The following NTAN1 variants were observed in gnomAD, a reference collection of about 807,000 sequenced individuals.
NTAN1 encodes the protein protein N-terminal asparagine amidohydrolase.
A neutral mutation model predicts 41.9 loss-of-function variants in NTAN1; 32 were observed. The ratio of observed to expected loss-of-function variants is 0.76; its 90% CI spans 0.58 to 1.03. NTAN1 has a LOEUF of 1.03. NTAN1 is among the 50% of genes least tolerant of loss of function. The pLI is 0.00. For missense variants in NTAN1, 377 were observed against 377.5 expected (o/e 1.00, Z 0.01); for synonymous variants, 140 against 139.5 (o/e 1.00, Z -0.03).
Position 15,047,934 on chromosome 16 carries a change from A to G in NTAN1, c.185-14T>C, listed in dbSNP as rs1367911188. On this transcript the variant is annotated splice_polypyrimidine_tract_variant and intron_variant, in intron 2 of 9. Coordinates refer to ENST00000287706, the MANE Select transcript of NTAN1 (RefSeq NM_173474.4). ...TGGAGATGGAGCCTGTTTAAAAAAG[A>G]AATAAAATAAAATATCCAATAGCCT... 1 of 1,610,366 alleles carries G rather than the reference A, an allele frequency of 6.2e-7. No homozygotes were observed. The highest frequency in any genetic ancestry group is 1.7e-5 in the Admixed American group (1 of 60,020).
At chr16:15,044,689 G>A (rs1275948543) in intron 4 of NTAN1, 2 of 498,904 alleles carry the variant, frequency 4.0e-6, no homozygotes, top group Non-Finnish European at 7.2e-6. Flanking sequence ...TGCTCTGGAA[G>A]AGCACAGGCA....
intron 1 of NTAN1, among the ~76,000 whole-genome samples, chr16:15,049,875 A>G (rs2044229928): frequency 6.6e-6 from 1 of 152,254 alleles, no homozygotes; most frequent in Non-Finnish European, 1.5e-5. Context: ...TTGAAAAGCA[A>G]GATACAAAAG....
In NTAN1 at chr16:15,038,101, C is replaced by A; in HGVS notation, c.863G>T (p.Gly288Val). 3.1e-6 allele frequency: 5 copies of A among 1,612,662 alleles called. No homozygotes were observed. The highest frequency in any genetic ancestry group is 4.2e-6 in the Non-Finnish European group (5 of 1,178,812). ...HPSPAHTLFS[G>V]NKALLYKKNE... ...TTTTTTGTAGAGTAGGGCTTTATTT[C>A]CAGAAAACAGTGTGTGAGCTGGAGA... The change falls in exon 10 of 10, where the codon GGA becomes GTA. Residue 288 changes from glycine (G) to valine (V), a missense_variant. Transcript: ENST00000287706.
intron 4 of NTAN1, among the ~76,000 whole-genome samples, chr16:15,046,697 C>CAAAAAA (rs9331444): frequency 2.3e-5 from 1 of 43,646 alleles, no homozygotes; most frequent in Non-Finnish European, 3.9e-5. Context: ...CTGTCTCTAC[C>CAAAAAA]AAAAAAAAAA....
intron 1 of NTAN1, among the ~76,000 whole-genome samples, chr16:15,053,861 G>A (rs189989763): frequency 6.6e-6 from 1 of 152,254 alleles, no homozygotes; most frequent in African/African-American, 2.4e-5. Context: ...GCAGTGAGCC[G>A]AGATTGTGCC....
At chr16:15,052,299 T>C (rs1433879440) in intron 1 of NTAN1, among the ~76,000 whole-genome samples, 2 of 152,200 alleles carry the variant, frequency 1.3e-5, no homozygotes, top group African/African-American at 4.8e-5. Flanking sequence ...TACAAAATAT[T>C]ATTTTGATTT....
intron 4 of NTAN1, among the ~76,000 whole-genome samples, chr16:15,046,802 A>G (rs992777760): frequency 1.1e-4 from 17 of 151,830 alleles, no homozygotes; most frequent in Admixed American, 7.9e-4. Flanking sequence ...CTGAGTCCAC[A>G]AAGTCAAGGC....
chr16:15,044,196 T>C (rs2043949909), intron 5 of NTAN1, 138 bp downstream of exon 5: 1 of 633,720 alleles, frequency 1.6e-6, no homozygotes, highest in Non-Finnish European at 2.8e-6. Flanking sequence ...AATTCCAAGC[T>C]GGGCAGTCTG....
intron 1 of NTAN1, among the ~76,000 whole-genome samples, chr16:15,052,895 T>C (rs528852293): frequency 1.3e-5 from 2 of 152,254 alleles, no homozygotes; most frequent in East Asian, 3.9e-4. Flanking sequence ...TTGTAGACTC[T>C]GTGGAACCGT....
Position 15,037,984 on chromosome 16 carries a change from A to C in NTAN1, c.*47T>G, listed in dbSNP as rs1239319237. 1.4e-6 allele frequency: 2 copies of C among 1,456,130 alleles called. No homozygotes were observed. Among genetic ancestry groups the C allele is most frequent in the South Asian group, 1.2e-5 (1 of 83,712 alleles). The allele number at this position is 1,456,130 out of a possible 1,614,324, so 90.2% of individuals were successfully genotyped here. On this transcript the variant is annotated 3_prime_UTR_variant, in exon 10 of 10. Transcript: ENST00000287706. Reference sequence around the variant, plus strand: ...ATCTGGATTCGTGCCAGCCCCACCAATGGTCTGTCAGGCCAAGAAGGTGCT... The same window carrying C: ...ATCTGGATTCGTGCCAGCCCCACCACTGGTCTGTCAGGCCAAGAAGGTGCT...
At chr16:15,046,221 G>A (rs1308509984) in intron 4 of NTAN1, among the ~76,000 whole-genome samples, 2 of 152,216 alleles carry the variant, frequency 1.3e-5, no homozygotes, top group African/African-American at 2.4e-5. Flanking sequence ...ATTTAGAATC[G>A]ACCAGTATTG....
At chr16:15,047,407 T>C in intron 4 of NTAN1, 35 bp downstream of exon 4, 1 of 1,363,116 alleles carries the variant, frequency 7.3e-7, no homozygotes, top group Non-Finnish European at 1.1e-6. Flanking sequence ...GGTTCCAAGA[T>C]CTCAATTCAC....
Position 15,048,049 on chromosome 16 carries a change from C to T in NTAN1, c.132G>A (p.Gln44=), listed in dbSNP as rs2044146280. The change falls in exon 2 of 10, where the codon CAG becomes CAA. Residue 44 remains glutamine, a synonymous_variant. Transcript: ENST00000287706. ...CTCTTTGCTGAACATACAGAAGGCCCTGGGGTCCCACTTGTTGAACAGACT... is the reference window on the plus strand; with the variant it reads ...CTCTTTGCTGAACATACAGAAGGCCTTGGGGTCCCACTTGTTGAACAGACT... ...RGQSVQQVGP[Q]GLLYVQQREL... 1 of 1,613,532 alleles carries T rather than the reference C, an allele frequency of 6.2e-7. No homozygotes were observed. Among genetic ancestry groups the T allele is most frequent in the Non-Finnish European group, 8.5e-7 (1 of 1,179,568 alleles).
intron 5 of NTAN1, among the ~76,000 whole-genome samples, chr16:15,043,969 A>G (rs1221695706): frequency 6.6e-6 from 1 of 152,168 alleles, no homozygotes; most frequent in African/African-American, 2.4e-5. Flanking sequence ...AAAAAAGAAA[A>G]AATTTGCTAA....
chr16:15,041,133 G>C lies in NTAN1; in HGVS notation c.488-12C>G. 6.8e-7 allele frequency: 1 copy of C among 1,473,940 alleles called. No individual in the cohort carries two copies. The highest frequency in any genetic ancestry group is 1.4e-5 in the African/African-American group (1 of 72,332). The allele number at this position is 1,473,940 out of a possible 1,614,324, so 91.3% of individuals were successfully genotyped here. A position where few individuals can be genotyped will look rare whatever the true frequency, so the allele number is the denominator to read the frequency against. On this transcript the variant is annotated splice_polypyrimidine_tract_variant and intron_variant, in intron 6 of 9. Transcript: ENST00000287706. ...CCGGTCATTTAATTCTACAAAATAA[G>C]AATGTTTAAGATACACTTTTTAAAG...
chr16:15,048,447 T>C (rs1413681802), intron 1 of NTAN1, among the ~76,000 whole-genome samples: 1 of 152,184 alleles, frequency 6.6e-6, no homozygotes, highest in Non-Finnish European at 1.5e-5. Flanking sequence ...CTTGAACTCC[T>C]GGGCTCAAGC....
intron 1 of NTAN1, among the ~76,000 whole-genome samples, chr16:15,050,175 T>C (rs769413261): frequency 6.6e-6 from 1 of 152,214 alleles, no homozygotes; most frequent in Admixed American, 6.5e-5. Flanking sequence ...TTAGTAAGCT[T>C]GTAAAAAAAA....
Position 15,044,325 on chromosome 16 carries a change from T to A in NTAN1, c.433+9A>T. 2 of 1,588,126 alleles carry A rather than the reference T, an allele frequency of 1.3e-6. No individual in the cohort carries two copies. Among genetic ancestry groups the A allele is most frequent in the South Asian group, 1.1e-5 (1 of 90,302 alleles). On this transcript the variant is annotated intron_variant, in intron 5 of 9. Coordinates refer to ENST00000287706, the MANE Select transcript of NTAN1 (RefSeq NM_173474.4). ...CAATTTGGGGGAAAGAAAAAAAAAA[T>A]GAACTTACTAAGAAGTTGATGAGTG...
rs369969404 is a variant in NTAN1 at position 15,044,374 on chromosome 16, G to A, written c.393C>T (p.Asp131=). The A allele has an allele frequency of 3.8e-5, 62 of 1,613,388 alleles. No homozygotes were observed. The African/African-American group carries it at 3.9e-4, about 10-fold the overall frequency. The change falls in exon 5 of 10, where the codon GAC becomes GAT. Residue 131 remains aspartate, a synonymous_variant. Coordinates refer to ENST00000287706, the MANE Select transcript of NTAN1 (RefSeq NM_173474.4). ...TGAGTTTTTGTGACAACTGCCTGTC[G>A]TCACTGAAGCCTCCAACAAGGTGTA... ...LEVHLVGGFS[D]DRQLSQKLTH...
Sources: allele counts gnomAD v4.1 joint callset (sites outside exome capture counted in the v4.1 genomes callset), GRCh38; gene constraint gnomAD v4.1.1; transcripts MANE v1.5; gene names NCBI Gene and HGNC (gene_info 2026-07-23, HGNC 2026-07-21).